Variants in FAM184B observed in about 807,000 individuals in gnomAD.
FAM184B encodes family with sequence similarity 184 member B.
A neutral mutation model predicts 135.9 loss-of-function variants in FAM184B; 111 were observed. The ratio of observed to expected loss-of-function variants is 0.82; its 90% CI spans 0.70 to 0.96. The LOEUF (loss-of-function observed/expected upper bound fraction) is 0.96, where lower values mean the gene tolerates loss of function less well. Among genes scored for constraint, FAM184B ranks in the 40% least tolerant of loss-of-function variants. The probability of loss-of-function intolerance (pLI) is 0.00; values close to 1 mark genes in which losing one functional copy is unlikely to be tolerated. For missense variants in FAM184B, 1,375 were observed against 1,323.9 expected, an observed-to-expected ratio of 1.04 and a Z score of -0.60; for synonymous variants, 552 against 524.8, an observed-to-expected ratio of 1.05 and a Z score of -0.71.
intron 1 of FAM184B, among the ~76,000 whole-genome samples, chr4:17,773,132 C>T (rs563465960): frequency 6.6e-5 from 10 of 152,322 alleles, no homozygotes; most frequent in East Asian, 3.9e-4. Flanking sequence ...TATATTAATA[C>T]GATGTTGGAC....
At chr4:17,669,669 C>A (rs1328121417) in intron 7 of FAM184B, among the ~76,000 whole-genome samples, 2 of 152,166 alleles carry the variant, frequency 1.3e-5, no homozygotes, top group Non-Finnish European at 2.9e-5. Flanking sequence ...AATAATGAAG[C>A]TATAGCCCTC....
intron 15 of FAM184B, 83 bp from the exon 16 acceptor site, chr4:17,635,196 A>G: frequency 9.4e-7 from 1 of 1,064,296 alleles, no homozygotes; most frequent in South Asian, 1.4e-5. Context: ...CTGTGAGGGC[A>G]GAATAGAGAA....
intron 1 of FAM184B, among the ~76,000 whole-genome samples, chr4:17,728,621 G>T (rs1388783863): frequency 2.0e-5 from 3 of 152,166 alleles, no homozygotes; most frequent in Non-Finnish European, 2.9e-5. Context: ...GGGGCAGTAG[G>T]AAGGAAGAGT....
Position 17,709,637 on chromosome 4 carries a change from TA to T in FAM184B, c.148del (p.Tyr50MetfsTer3). 3 of 1,496,822 alleles carry T rather than the reference TA, an allele frequency of 2.0e-6. No homozygotes were observed. Among genetic ancestry groups the T allele is most frequent in the East Asian group, 2.5e-5 (1 of 40,506 alleles). 92.7% of individuals were successfully genotyped at this position (1,496,822 alleles called of 1,614,324 possible). On this transcript the variant is annotated frameshift_variant, in exon 2 of 18. Transcript: ENST00000265018. LOFTEE classifies it high-confidence loss of function. ...CTCATCCTGGCGGGTGTTCAGGGCA[TA>T]AATCACCTGCAGGAAAATCAACAGA... ...KKIAQLTKVI[Y>X]ALNTRQDEAE...
At chr4:17,658,328 G>C (rs1382472345) in intron 10 of FAM184B, 22 bp downstream of exon 10, 3 of 1,550,476 alleles carry the variant, frequency 1.9e-6, no homozygotes, top group African/African-American at 1.4e-5. Flanking sequence ...GCACAGAGTA[G>C]ACGGCACAGT....
chr4:17,748,504 AATTTTTT>A (rs1718224622), intron 1 of FAM184B, among the ~76,000 whole-genome samples: 2 of 100,746 alleles, frequency 2.0e-5, no homozygotes, highest in Non-Finnish European at 1.9e-5. Flanking sequence ...CCTCTTGTGT[AATTTTTT>A]TTTTTTTTTT....
chr4:17,764,383 G>A (rs545041845), intron 1 of FAM184B, among the ~76,000 whole-genome samples: 2 of 152,278 alleles, frequency 1.3e-5, no homozygotes, highest in East Asian at 3.9e-4. Context: ...ATCTGGAAGG[G>A]CTCATCGAAG....
At chr4:17,769,138 G>A (rs1718762112) in intron 1 of FAM184B, among the ~76,000 whole-genome samples, 1 of 151,704 alleles carries the variant, frequency 6.6e-6, no homozygotes, top group African/African-American at 2.4e-5. Context: ...GTTAAATTAT[G>A]CAATCTCCAT....
intron 7 of FAM184B, among the ~76,000 whole-genome samples, chr4:17,681,897 A>G (rs1213568012): frequency 1.3e-5 from 2 of 152,130 alleles, no homozygotes; most frequent in African/African-American, 4.8e-5. Context: ...CCTCTCCCAT[A>G]TGGGCTTGCC....
intron 1 of FAM184B, among the ~76,000 whole-genome samples, chr4:17,757,575 T>C (rs1300943891): frequency 1.3e-5 from 2 of 152,160 alleles, no homozygotes; most frequent in Non-Finnish European, 1.5e-5. Context: ...GAAATATTTA[T>C]GGATGAAATA....
intron 11 of FAM184B, among the ~76,000 whole-genome samples, chr4:17,649,269 A>T (rs1374689584): frequency 6.6e-6 from 1 of 152,226 alleles, no homozygotes; most frequent in African/African-American, 2.4e-5. Context: ...ATGTAAAAGC[A>T]TAGTGTATTT....
intron 7 of FAM184B, among the ~76,000 whole-genome samples, chr4:17,676,978 G>A (rs574214383): frequency 5.3e-4 from 81 of 152,258 alleles, no homozygotes; most frequent in African/African-American, 1.8e-3. Flanking sequence ...ATGTATCATC[G>A]TCATTAAGTG....
intron 1 of FAM184B, among the ~76,000 whole-genome samples, chr4:17,723,950 CG>C (rs1189628542): frequency 1.3e-5 from 2 of 152,106 alleles, no homozygotes; most frequent in Non-Finnish European, 2.9e-5. Flanking sequence ...TCATCACATC[CG>C]GGGCAGCAAG....
At position 17,669,035 on chromosome 4, in the gene FAM184B, C is replaced by T. The variant is rs561033036; in HGVS notation, c.1597-4376G>A. On this transcript the variant is annotated intron_variant, in intron 7 of 17. Transcript: ENST00000265018. The stretch of plus-strand genomic sequence containing the variant: ...AGTTTTTAAAATGTTATAAACCCTA[C>T]AGCCAGGGACTGAGAACACGCTGCA... 3.9e-5 allele frequency among the ~76,000 whole-genome samples: 6 copies of T among 152,308 alleles called. No homozygotes were observed. In the East Asian group the frequency reaches 9.6e-4, roughly 24 times the overall value.
At chr4:17,653,044 T>A (rs1414273156) in intron 10 of FAM184B, 61 bp from the exon 11 acceptor site, 3 of 1,490,492 alleles carry the variant, frequency 2.0e-6, no homozygotes, top group Non-Finnish European at 1.8e-6. Flanking sequence ...GAGACCTGAC[T>A]CCTTTGCCAA....
rs1220424161 is a variant in FAM184B at position 17,693,044 on chromosome 4, G to T, written c.1488+258C>A. Reference sequence around the variant, plus strand: ...CAGGGGAACTGCAGGCTACCCACTTGTGCCTTCATGAAGCCACAGAACCAA... The same window carrying T: ...CAGGGGAACTGCAGGCTACCCACTTTTGCCTTCATGAAGCCACAGAACCAA... On this transcript the variant is annotated intron_variant, in intron 6 of 17. Coordinates refer to ENST00000265018, the MANE Select transcript of FAM184B (RefSeq NM_015688.2). Among the ~76,000 whole-genome samples the T allele has an allele frequency of 2.6e-5, 4 of 151,706 alleles. No individual in the cohort carries two copies. The East Asian group carries it at 7.8e-4, about 29-fold the overall frequency.
At chr4:17,742,737 T>G (rs150650015) in intron 1 of FAM184B, among the ~76,000 whole-genome samples, 1 of 152,202 alleles carries the variant, frequency 6.6e-6, no homozygotes, top group Non-Finnish European at 1.5e-5. Flanking sequence ...AGCCTCCCTT[T>G]CTGCTGAGGG....
chr4:17,775,344 C>T (rs1482354624), intron 1 of FAM184B, among the ~76,000 whole-genome samples: 20 of 152,192 alleles, frequency 1.3e-4, no homozygotes, highest in East Asian at 1.9e-4. Flanking sequence ...TGCCACCACA[C>T]CCAGCTAATT....
At chr4:17,680,971 G>T (rs149364550) in intron 7 of FAM184B, among the ~76,000 whole-genome samples, 427 of 152,264 alleles carry the variant, frequency 2.8e-3, no homozygotes, top group African/African-American at 9.7e-3. Context: ...ATAGAACACC[G>T]AACGTAATGG....
Sources: gnomAD v4.1 joint callset for allele counts (sites outside exome capture counted in the v4.1 genomes callset) on GRCh38, gnomAD v4.1.1 for gene constraint, MANE v1.5 for transcripts, NCBI Gene and HGNC (gene_info 2026-07-23, HGNC 2026-07-21) for gene names.